The following CDK20 variants were observed in gnomAD, a reference collection of about 807,000 sequenced individuals.
CDK20 encodes the protein cyclin dependent kinase 20.
In CDK20, 40 loss-of-function variants were observed where a neutral mutation model predicts 38.6. The observed-to-expected ratio is 1.04, with a 90% confidence interval of 0.81 to 1.35. CDK20 has a LOEUF of 1.35. CDK20 is among the 40% of genes most tolerant of loss of function. The pLI is 0.00. For synonymous variants in CDK20, 209 were observed against 185.7 expected, an observed-to-expected ratio of 1.13 and a Z score of -1.02; for missense variants, 512 against 452.6, an observed-to-expected ratio of 1.13 and a Z score of -1.19.
At chr9:87,973,864 AAG>A (rs1223882498) in intron 2 of CDK20, 56 bp downstream of exon 2, 40 of 1,554,920 alleles carry the variant, frequency 2.6e-5, no homozygotes, top group Non-Finnish European at 3.2e-5. Flanking sequence ...TGAAGGCACA[AAG>A]AAGTGGGAAC....
chr9:87,973,747 T>G (rs923215828), intron 2 of CDK20, among the ~76,000 whole-genome samples, 175 bp downstream of exon 2: 7 of 151,782 alleles, frequency 4.6e-5, no homozygotes, highest in African/African-American at 1.7e-4. Flanking sequence ...GGTGAACAAG[T>G]GGACAAAAAA....
intron 2 of CDK20, among the ~76,000 whole-genome samples, chr9:87,971,802 A>G (rs969040196): frequency 6.6e-6 from 1 of 152,232 alleles, no homozygotes; most frequent in African/African-American, 2.4e-5. Context: ...CTACACAGAG[A>G]GTGAGCTGAG....
At chr9:87,972,386 G>A (rs977226879) in intron 2 of CDK20, among the ~76,000 whole-genome samples, 1 of 152,152 alleles carries the variant, frequency 6.6e-6, no homozygotes, top group East Asian at 1.9e-4. Flanking sequence ...CACAGAAGGA[G>A]GCTAGAGGGA....
intron 1 of CDK20, 48 bp from the exon 2 acceptor site, chr9:87,974,083 G>A (rs1465523673): frequency 1.2e-6 from 2 of 1,612,220 alleles, no homozygotes; most frequent in South Asian, 1.1e-5. Flanking sequence ...GGCTGGGAAA[G>A]AGAGATGAAG....
In CDK20 at chr9:87,967,209, G is replaced by A; in HGVS notation, c.*253C>T. The A allele has an allele frequency of 1.4e-6, 1 of 690,082 alleles. No individual in the cohort carries two copies. Among genetic ancestry groups the A allele is most frequent in the South Asian group, 1.4e-5 (1 of 70,054 alleles). 42.7% of individuals were successfully genotyped at this position (690,082 alleles called of 1,614,324 possible). ...GCTCACTGTCCTGATGGGTACGTCAGTAGCACACAGAAGGTAAGGCTCACC... is the reference window on the plus strand; with the variant it reads ...GCTCACTGTCCTGATGGGTACGTCAATAGCACACAGAAGGTAAGGCTCACC... On this transcript the variant is annotated 3_prime_UTR_variant, in exon 8 of 8. Transcript: ENST00000325303.
intron 7 of CDK20, chr9:87,968,915 C>T: frequency 2.2e-6 from 1 of 452,288 alleles, no homozygotes; most frequent in East Asian, 3.8e-5. Context: ...AGCCCAGAAA[C>T]CTGCACTCCC....
rs1382140461 is a variant in CDK20 at position 87,974,460 on chromosome 9, T to TG, written c.-15dup. On this transcript the variant is annotated 5_prime_UTR_variant, in exon 1 of 8. Coordinates refer to ENST00000325303, the MANE Select transcript of CDK20 (RefSeq NM_001039803.3). ...GTACTGGTCCATCCCGCTGCAGTCG[T>TG]GGGCCTGTGCCCCTGTGCCCCTGAA... 6.2e-7 allele frequency: 1 copy of TG among 1,608,682 alleles called. No homozygotes were observed. Among genetic ancestry groups the TG allele is most frequent in the African/African-American group, 1.3e-5 (1 of 74,834 alleles).
chr9:87,970,188 G>A (rs1219195953), intron 5 of CDK20: 9 of 451,866 alleles, frequency 2.0e-5, no homozygotes, highest in African/African-American at 4.0e-5. Flanking sequence ...TCAGACCCAT[G>A]GGCACTGCCA....
chr9:87,974,223 A>ATAT, intron 1 of CDK20, 149 bp downstream of exon 1: 1 of 1,228,604 alleles, frequency 8.1e-7, no homozygotes. Flanking sequence ...GTGCGGAGGG[A>ATAT]AGCGCAACGG....
chr9:87,971,371 A>AGG, intron 2 of CDK20, 36 bp from the exon 3 acceptor site: 1 of 1,575,954 alleles, frequency 6.3e-7, no homozygotes, highest in Non-Finnish European at 8.6e-7. Context: ...CCCAGACTCA[A>AGG]GTCACCAGAC....
chr9:87,974,217 G>A (rs1205404539), intron 1 of CDK20, 155 bp downstream of exon 1: 2 of 1,244,910 alleles, frequency 1.6e-6, no homozygotes, highest in Admixed American at 2.3e-5. Flanking sequence ...CCAGCTGTGC[G>A]GAGGGAAGCG....
intron 6 of CDK20, 94 bp from the exon 7 acceptor site, chr9:87,969,443 A>C: frequency 7.4e-6 from 10 of 1,346,886 alleles, no homozygotes; most frequent in Non-Finnish European, 9.3e-6. Context: ...ACACACACTC[A>C]CATGGGGGGT....
chr9:87,970,348 G>T, intron 5 of CDK20: 1 of 543,360 alleles, frequency 1.8e-6, no homozygotes, highest in South Asian at 3.0e-5. Flanking sequence ...CTTCCCACCT[G>T]GGACCACCAT....
chr9:87,969,213 T>G lies in CDK20; in HGVS notation c.824A>C (p.Gln275Pro). The change falls in exon 7 of 8, where the codon CAG becomes CCG. Residue 275 changes from glutamine to proline, a missense_variant. Transcript: ENST00000325303. The part of the protein sequence containing the change: ...LGQFLLYPPH[Q>P]RIAASKALLH... Reference sequence around the variant, plus strand: ...CCCTACCTTGGAAGCTGCGATGCGCTGGTGAGGAGGGTAGAGAAGGAATTG... The same window carrying G: ...CCCTACCTTGGAAGCTGCGATGCGCGGGTGAGGAGGGTAGAGAAGGAATTG... 1.2e-6 allele frequency: 2 copies of G among 1,614,014 alleles called. No homozygotes were observed. The highest frequency in any genetic ancestry group is 1.7e-6 in the Non-Finnish European group (2 of 1,179,942).
chr9:87,971,389 G>C, intron 2 of CDK20, 54 bp from the exon 3 acceptor site: 3 of 1,522,982 alleles, frequency 2.0e-6, no homozygotes, highest in Non-Finnish European at 2.7e-6. Flanking sequence ...GACCCTCTCT[G>C]TGACCCTGAG....
Position 87,969,168 on chromosome 9 carries a change from G to C in CDK20, c.843+26C>G, listed in dbSNP as rs201282409. The stretch of plus-strand genomic sequence containing the variant: ...GGTGATGGGGAGGGGAGCTGAAGGA[G>C]CAGAGACTACAGCCTCTCCCCCTAC... On this transcript the variant is annotated intron_variant, in intron 7 of 7. Transcript: ENST00000325303. 19 of 1,611,154 alleles carry C rather than the reference G, an allele frequency of 1.2e-5. No individual in the cohort carries two copies. In the African/African-American group the frequency reaches 2.0e-4, roughly 17 times the overall value.
intron 2 of CDK20, among the ~76,000 whole-genome samples, chr9:87,971,797 CAG>C (rs754576415): frequency 9.8e-5 from 15 of 152,298 alleles, no homozygotes; most frequent in East Asian, 5.8e-4. Context: ...CCAGGCTACA[CAG>C]AGAGTGAGCT....
intron 1 of CDK20, 38 bp from the exon 2 acceptor site, chr9:87,974,073 G>C: frequency 6.2e-7 from 1 of 1,613,092 alleles, no homozygotes; most frequent in East Asian, 2.2e-5. Context: ...GCCCACCCTC[G>C]GCTGGGAAAG....
In CDK20 at chr9:87,967,670, CAAGT is replaced by C. The variant is rs977058272; in HGVS notation, c.844-15_844-12del. 83 of 1,464,524 alleles carry C rather than the reference CAAGT, an allele frequency of 5.7e-5. No homozygotes were observed. Among genetic ancestry groups the C allele is most frequent in the Non-Finnish European group, 7.1e-5 (79 of 1,105,418 alleles). The allele number at this position is 1,464,524 out of a possible 1,614,324, so 90.7% of individuals were successfully genotyped here. A position where few individuals can be genotyped will look rare whatever the true frequency, so the allele number is the denominator to read the frequency against. Reference sequence around the variant, plus strand: ...CTGATGGAGGAGAGCCTGAGGGTGGCAAGTAAGGAACAGCAGAAGGAAACTAGTC... The same window carrying C: ...CTGATGGAGGAGAGCCTGAGGGTGGCAAGGAACAGCAGAAGGAAACTAGTC... On this transcript the variant is annotated splice_polypyrimidine_tract_variant and intron_variant, in intron 7 of 7. Coordinates refer to ENST00000325303, the MANE Select transcript of CDK20 (RefSeq NM_001039803.3).
Sources: allele counts gnomAD v4.1 joint callset (sites outside exome capture counted in the v4.1 genomes callset), GRCh38; gene constraint gnomAD v4.1.1; transcripts MANE v1.5; gene names NCBI Gene and HGNC (gene_info 2026-07-23, HGNC 2026-07-21).